The following NEK10 variants were observed in gnomAD, a reference collection of about 807,000 sequenced individuals.
The protein encoded by NEK10 is serine/threonine-protein kinase Nek10.
NEK10 carries 122 observed loss-of-function variants against 159.8 expected under a neutral mutation model. That is an observed-to-expected ratio of 0.76 (90% CI 0.66 to 0.89). The LOEUF (loss-of-function observed/expected upper bound fraction) is 0.89. NEK10 is among the 40% of genes least tolerant of loss of function. The pLI, the probability that NEK10 is intolerant of heterozygous loss-of-function variation, is 0.00. For synonymous variants in NEK10, 466 were observed against 457.1 expected, an observed-to-expected ratio of 1.02 and a Z score of -0.25; for missense variants, 1,342 against 1,323.1, an observed-to-expected ratio of 1.01 and a Z score of -0.22.
intron 30 of NEK10, among the ~76,000 whole-genome samples, chr3:27,161,443 T>C (rs1333568423): frequency 6.6e-6 from 1 of 152,190 alleles, no homozygotes; most frequent in Non-Finnish European, 1.5e-5. Context: ...CTATATTCAC[T>C]ATAAACATTA....
intron 23 of NEK10, among the ~76,000 whole-genome samples, chr3:27,234,878 T>C (rs759670518): frequency 2.4e-4 from 37 of 152,146 alleles, no homozygotes; most frequent in African/African-American, 8.7e-4. Flanking sequence ...TACAGGGCTA[T>C]AGTAACCAAA....
rs189893029 is a variant in NEK10 at position 27,281,484 on chromosome 3, A to T, written c.2014+3118T>A. 1.6e-4 allele frequency among the ~76,000 whole-genome samples: 24 copies of T among 152,148 alleles called. No homozygotes were observed. In the East Asian group the frequency reaches 3.9e-3, roughly 25 times the overall value. ...AGAACACTGGATTTCCTGACAGCAAAACTAGATACCAGAAGACTAGAGAAA... is the reference window on the plus strand; with the variant it reads ...AGAACACTGGATTTCCTGACAGCAATACTAGATACCAGAAGACTAGAGAAA... On this transcript the variant is annotated intron_variant, in intron 22 of 35. Coordinates refer to ENST00000691995, the MANE Select transcript of NEK10 (RefSeq NM_001394966.1).
At chr3:27,312,316 A>G in intron 7 of NEK10, 139 bp from the exon 8 acceptor site, 1 of 509,086 alleles carries the variant, frequency 2.0e-6, no homozygotes, top group Non-Finnish European at 3.4e-6. Context: ...TGCTCCTGGA[A>G]CAGTTATCGC....
chr3:27,298,738 A>G (rs796651268), intron 13 of NEK10, among the ~76,000 whole-genome samples: 49 of 152,288 alleles, frequency 3.2e-4, no homozygotes, highest in African/African-American at 1.2e-3. Context: ...GTGGTCTCAG[A>G]TGGAGATGAG....
chr3:27,172,777 TA>T (rs1238831788), intron 28 of NEK10, among the ~76,000 whole-genome samples: 3 of 152,142 alleles, frequency 2.0e-5, no homozygotes, highest in African/African-American at 7.2e-5. Flanking sequence ...AAATTTTAAA[TA>T]AGTTTTTTAT....
intron 22 of NEK10, among the ~76,000 whole-genome samples, chr3:27,280,409 A>G (rs1575571639): frequency 1.3e-5 from 2 of 152,164 alleles, no homozygotes; most frequent in African/African-American, 2.4e-5. Flanking sequence ...TCCCACATAC[A>G]CACAGCCAGT....
intron 25 of NEK10, among the ~76,000 whole-genome samples, chr3:27,193,318 G>A (rs762592242): frequency 1.3e-5 from 2 of 152,114 alleles, no homozygotes; most frequent in African/African-American, 4.8e-5. Flanking sequence ...CTCATTTCTT[G>A]CCTACCTCTG....
intron 15 of NEK10, 112 bp downstream of exon 15, chr3:27,295,501 C>T: frequency 8.2e-7 from 1 of 1,214,636 alleles, no homozygotes; most frequent in African/African-American, 1.6e-5. Context: ...CCCTCATAGT[C>T]AGTACAGGGA....
rs1344353436 is a variant in NEK10, at chr3:27,162,690, C to T, written c.2869+11G>A. ...TTGTGTTTGATTTTATTGCTACCAACACTAAGTTACCTGGTCTTGGTCTTG... is the reference window on the plus strand; with the variant it reads ...TTGTGTTTGATTTTATTGCTACCAATACTAAGTTACCTGGTCTTGGTCTTG... On this transcript the variant is annotated intron_variant, in intron 30 of 35. Coordinates refer to ENST00000691995, the MANE Select transcript of NEK10 (RefSeq NM_001394966.1). The T allele has an allele frequency of 5.6e-6, 9 of 1,613,752 alleles. No individual in the cohort carries two copies. Among genetic ancestry groups the T allele is most frequent in the African/African-American group, 1.3e-5 (1 of 74,900 alleles).
intron 31 of NEK10, 76 bp downstream of exon 31, chr3:27,141,406 C>T: frequency 8.9e-7 from 1 of 1,117,418 alleles, no homozygotes; most frequent in Non-Finnish European, 1.3e-6. Context: ...TAAAGTCCTC[C>T]AAAATAGTTC....
chr3:27,239,197 C>G (rs1954287098), intron 23 of NEK10, among the ~76,000 whole-genome samples: 1 of 151,436 alleles, frequency 6.6e-6, no homozygotes, highest in Non-Finnish European at 1.5e-5. Context: ...GTCAAGTTCA[C>G]AAAAAAAATT....
chr3:27,251,994 G>A (rs1462569366), intron 23 of NEK10, among the ~76,000 whole-genome samples: 1 of 151,998 alleles, frequency 6.6e-6, no homozygotes, highest in East Asian at 1.9e-4. Context: ...AGATATACTA[G>A]AACTCAATAA....
At chr3:27,362,973 A>G (rs2048792855) in intron 1 of NEK10, among the ~76,000 whole-genome samples, 1 of 152,136 alleles carries the variant, frequency 6.6e-6, no homozygotes, top group African/African-American at 2.4e-5. Context: ...TATTTGACCA[A>G]TTATGCCCTT....
intron 1 of NEK10, among the ~76,000 whole-genome samples, chr3:27,367,200 C>T (rs1349961014): frequency 6.6e-6 from 1 of 152,140 alleles, no homozygotes; most frequent in Non-Finnish European, 1.5e-5. Context: ...TTAAAAGAAT[C>T]CTATGAGCTA....
chr3:27,368,438 C>T (rs2049265780), intron 1 of NEK10, among the ~76,000 whole-genome samples: 2 of 151,888 alleles, frequency 1.3e-5, no homozygotes, highest in Admixed American at 6.6e-5. Context: ...ATTTAACCAA[C>T]CGATGGTGGA....
At chr3:27,344,804 C>T (rs1559536481) in intron 4 of NEK10, among the ~76,000 whole-genome samples, 1 of 152,170 alleles carries the variant, frequency 6.6e-6, no homozygotes, top group Non-Finnish European at 1.5e-5. Context: ...ACTGGCTGAT[C>T]TTGCTATCAA....
intron 11 of NEK10, among the ~76,000 whole-genome samples, chr3:27,305,827 A>T (rs2044203478): frequency 6.6e-6 from 1 of 152,106 alleles, no homozygotes. Context: ...AAATATTATG[A>T]TGATAAACGT....
chr3:27,368,205 T>C (rs1414138053), intron 1 of NEK10, among the ~76,000 whole-genome samples: 2 of 152,108 alleles, frequency 1.3e-5, no homozygotes, highest in South Asian at 4.2e-4. Flanking sequence ...GGCATGAGAA[T>C]TGGTTGAACC....
rs2043154204 is a variant in NEK10, at chr3:27,293,630, C to T, written c.1331G>A (p.Arg444Lys). The T allele has an allele frequency of 1.9e-6, 3 of 1,579,366 alleles. No individual in the cohort carries two copies. The Middle Eastern group carries it at 5.0e-4, about 263-fold the overall frequency. The change falls in exon 16 of 36, where the codon AGA becomes AAA. Residue 444 changes from arginine to lysine, a missense_variant. By Grantham distance (26) the Arg-to-Lys change is conservative (BLOSUM62 2). Coordinates refer to ENST00000691995, the MANE Select transcript of NEK10 (RefSeq NM_001394966.1). ...GTTTCTTTCCATACTGAAGAGAAAT[C>T]TCAAGGCTCTGAAAGCATAACACTA... The part of the protein sequence containing the change: ...LLQCYAFRAL[R>K]FLFSMERNRP...
Sources: allele counts gnomAD v4.1 joint callset (sites outside exome capture counted in the v4.1 genomes callset), GRCh38; gene constraint gnomAD v4.1.1; transcripts MANE v1.5; gene names NCBI Gene and HGNC (gene_info 2026-07-23, HGNC 2026-07-21).